The following COPG2 variants were observed in gnomAD, a reference collection of about 807,000 sequenced individuals.
COPG2 encodes the protein coat protein complex I subunit gamma 2, also known as coatomer subunit gamma-2.
COPG2 carries 37 observed loss-of-function variants against 46.3 expected under a neutral mutation model. The ratio of observed to expected loss-of-function variants is 0.80; its 90% CI spans 0.61 to 1.05. The LOEUF is 1.05. COPG2 is among the 50% of genes least tolerant of loss of function. The pLI is 0.00. For synonymous variants in COPG2, 159 were observed against 129.7 expected, an observed-to-expected ratio of 1.23 and a Z score of -1.53; for missense variants, 427 against 387.8, an observed-to-expected ratio of 1.10 and a Z score of -0.85.
At chr7:130,507,599 T>A (rs1584956748) in intron 22 of COPG2, 86 bp downstream of exon 22, 8 of 669,124 alleles carry the variant, frequency 1.2e-5, no homozygotes, top group South Asian at 3.6e-5. Flanking sequence ...TTTTTTTTTT[T>A]AAAGGAGTTC....
chr7:130,562,293 A>C (rs1290322838), intron 11 of COPG2, among the ~76,000 whole-genome samples: 1 of 152,212 alleles, frequency 6.6e-6, no homozygotes, highest in Admixed American at 6.5e-5. Flanking sequence ...TGGGAGGCGG[A>C]GGTTGCAGTG....
At chr7:130,610,300 G>C (rs1794819974) in intron 9 of COPG2, among the ~76,000 whole-genome samples, 1 of 152,170 alleles carries the variant, frequency 6.6e-6, no homozygotes, top group Admixed American at 6.5e-5. Context: ...AATGATCTGA[G>C]GAACAGATCA....
At chr7:130,627,426 A>G (rs1414096690) in intron 5 of COPG2, among the ~76,000 whole-genome samples, 3 of 152,196 alleles carry the variant, frequency 2.0e-5, no homozygotes, top group Admixed American at 2.0e-4. Flanking sequence ...TGGTGTTATC[A>G]GTACTGCACA....
intron 5 of COPG2, among the ~76,000 whole-genome samples, chr7:130,623,378 GACC>G (rs1795068619): frequency 6.6e-6 from 1 of 152,134 alleles, no homozygotes; most frequent in Admixed American, 6.5e-5. Flanking sequence ...TGACCAAGGT[GACC>G]ACATTATAGA....
chr7:130,554,266 G>A (rs1422733309), intron 14 of COPG2, among the ~76,000 whole-genome samples: 1 of 152,128 alleles, frequency 6.6e-6, no homozygotes, highest in Admixed American at 6.5e-5. Flanking sequence ...AGCCATCATA[G>A]TATTCCTATC....
chr7:130,626,806 T>C (rs1388643914), intron 5 of COPG2, among the ~76,000 whole-genome samples: 1 of 152,306 alleles, frequency 6.6e-6, no homozygotes, highest in Non-Finnish European at 1.5e-5. Flanking sequence ...GAGAAGTGTA[T>C]GTTTGGAACA....
At chr7:130,576,566 G>C (rs1432142130) in intron 9 of COPG2, among the ~76,000 whole-genome samples, 11 of 152,174 alleles carry the variant, frequency 7.2e-5, no homozygotes, top group Admixed American at 7.2e-4. Context: ...AGCAAAGGCA[G>C]TGCTAAGAGG....
At chr7:130,615,917 C>G (rs1794941779) in intron 6 of COPG2, among the ~76,000 whole-genome samples, 1 of 152,176 alleles carries the variant, frequency 6.6e-6, no homozygotes, top group Non-Finnish European at 1.5e-5. Context: ...TTCCCCCACT[C>G]CTTAGATCCC....
At chr7:130,555,787 A>G in intron 12 of COPG2, among the ~76,000 whole-genome samples, 1 of 152,220 alleles carries the variant, frequency 6.6e-6, no homozygotes, top group East Asian at 1.9e-4. Context: ...TTGAGATCGC[A>G]CCACTGCACT....
chr7:130,510,684 G>C (rs1327043763), intron 20 of COPG2, among the ~76,000 whole-genome samples: 3 of 151,998 alleles, frequency 2.0e-5, no homozygotes, highest in Non-Finnish European at 4.4e-5. Flanking sequence ...GAAGTAAATA[G>C]GAATGGTGTT....
At chr7:130,624,664 C>T (rs1238263060) in intron 5 of COPG2, among the ~76,000 whole-genome samples, 1 of 152,138 alleles carries the variant, frequency 6.6e-6, no homozygotes, top group Non-Finnish European at 1.5e-5. Context: ...GTTAAACATA[C>T]GATACTTGGT....
chr7:130,553,326 T>TC lies in COPG2; in HGVS notation c.1469-897dup, dbSNP rs1274328739. ...TGAGATAAATTTGTACATTTGAAAG[T>TC]CCCCCCCGCCTTTTCTTTTTTTTTT... On this transcript the variant is annotated intron_variant, in intron 14 of 23. Coordinates refer to ENST00000425248, the MANE Select transcript of COPG2 (RefSeq NM_012133.6). Among the ~76,000 whole-genome samples, 283 of 149,576 alleles carry TC rather than the reference T, an allele frequency of 1.9e-3. 1 individual carries two copies. Among genetic ancestry groups the TC allele is most frequent in the East Asian group, 0.015 (78 of 5,140 alleles).
rs371592445 is a variant in COPG2, at chr7:130,663,018, C to G, written c.192G>C (p.Thr64=). The change falls in exon 4 of 24, where the codon ACG becomes ACC. Residue 64 remains threonine, a synonymous_variant. Coordinates refer to ENST00000425248, the MANE Select transcript of COPG2 (RefSeq NM_012133.6). ...TTGCAAAGAAGGCTTCTGTAGCTTC[C>G]GTTGTTCCAAAGTGTTCACCCTAAG... ...LLNQGEHFGT[T]EATEAFFAMT... 30 of 1,545,118 alleles carry G rather than the reference C, an allele frequency of 1.9e-5. No individual in the cohort carries two copies. The highest frequency in any genetic ancestry group is 2.6e-5 in the Non-Finnish European group (30 of 1,147,248).
At chr7:130,550,909 G>C (rs1793527697) in intron 16 of COPG2, among the ~76,000 whole-genome samples, 1 of 152,120 alleles carries the variant, frequency 6.6e-6, no homozygotes, top group Non-Finnish European at 1.5e-5. Flanking sequence ...AGAAAAGAAA[G>C]CAACTTAGCT....
intron 9 of COPG2, among the ~76,000 whole-genome samples, chr7:130,577,557 C>T (rs532749804): frequency 2.0e-5 from 3 of 151,638 alleles, no homozygotes; most frequent in African/African-American, 7.3e-5. Flanking sequence ...GTCAGGAGAT[C>T]GAGACCATCC....
At chr7:130,529,934 G>A (rs1430983458) in intron 20 of COPG2, among the ~76,000 whole-genome samples, 1 of 152,208 alleles carries the variant, frequency 6.6e-6, no homozygotes, top group East Asian at 1.9e-4. Context: ...ATACGCAGAG[G>A]TTCATAGTGA....
intron 9 of COPG2, among the ~76,000 whole-genome samples, chr7:130,599,494 A>G (rs898369851): frequency 6.6e-6 from 1 of 152,180 alleles, no homozygotes; most frequent in Non-Finnish European, 1.5e-5. Flanking sequence ...AGATTTTCAT[A>G]AATATTCTAC....
At chr7:130,605,698 T>C (rs1049058629) in intron 9 of COPG2, 2 of 518,090 alleles carry the variant, frequency 3.9e-6, no homozygotes, top group South Asian at 2.8e-5. Flanking sequence ...CTCAAGGAAA[T>C]GAATTTGGCC....
chr7:130,575,806 C>T (rs1233351177), intron 9 of COPG2, among the ~76,000 whole-genome samples: 2 of 152,098 alleles, frequency 1.3e-5, no homozygotes, highest in Non-Finnish European at 2.9e-5. Context: ...AACAACTCAC[C>T]AACCATCTGC....
Sources: allele counts gnomAD v4.1 joint callset (sites outside exome capture counted in the v4.1 genomes callset), GRCh38; gene constraint gnomAD v4.1.1; transcripts MANE v1.5; gene names NCBI Gene and HGNC (gene_info 2026-07-23, HGNC 2026-07-21).